Variants in TMCO4 observed in about 807,000 individuals in gnomAD.
TMCO4 encodes the protein transmembrane and coiled-coil domain-containing protein 4.
In TMCO4, 58 loss-of-function variants were observed where a neutral mutation model predicts 64.7. The observed-to-expected ratio is 0.90, with a 90% CI of 0.73 to 1.12. TMCO4 has a LOEUF of 1.12. Among genes scored for constraint, TMCO4 ranks in the 50% most tolerant of loss-of-function variants. The pLI, the probability that TMCO4 is intolerant of heterozygous loss-of-function variation, is 0.00. For synonymous variants in TMCO4, 325 were observed against 346.1 expected, an observed-to-expected ratio of 0.94 and a Z score of 0.68; for missense variants, 780 against 825.9, an observed-to-expected ratio of 0.94 and a Z score of 0.68.
At chr1:19,746,186 T>C (rs888139698) in intron 9 of TMCO4, among the ~76,000 whole-genome samples, 1 of 152,190 alleles carries the variant, frequency 6.6e-6, no homozygotes, top group Non-Finnish European at 1.5e-5. Context: ...AGCCCAAGCA[T>C]GGAAACTTCT....
chr1:19,686,642 G>C (rs1465033381), intron 15 of TMCO4, among the ~76,000 whole-genome samples: 1 of 152,230 alleles, frequency 6.6e-6, no homozygotes, highest in Non-Finnish European at 1.5e-5. Context: ...CCTGGGCTCA[G>C]GGTGGTTGTC....
At chr1:19,715,371 G>A (rs2095350781) in intron 13 of TMCO4, among the ~76,000 whole-genome samples, 1 of 152,156 alleles carries the variant, frequency 6.6e-6, no homozygotes, top group Non-Finnish European at 1.5e-5. Context: ...AGCCTCCCAA[G>A]TTGCTGGGAT....
At chr1:19,716,359 A>AT (rs1198227750) in intron 13 of TMCO4, among the ~76,000 whole-genome samples, 3,292 of 107,510 alleles carry the variant, frequency 0.031, 132 homozygotes, top group African/African-American at 0.1. Context: ...ACGCCCGGCT[A>AT]TTTTTTTTTT....
At position 19,732,027 on chromosome 1, in the gene TMCO4, T is replaced by TG. The variant is rs2095432206; in HGVS notation, c.1264+5344dup. On this transcript the variant is annotated intron_variant, in intron 13 of 15. Coordinates refer to ENST00000294543, the MANE Select transcript of TMCO4 (RefSeq NM_181719.7). The surrounding 1 kb of genome is among the most constrained non-coding windows in gnomAD (Gnocchi z 4.8). ...GCTGGAGCTGCTGTGAAGGCCGGCA[T>TG]GGACAGCGGGGGTTTTAAACTGAGC... is the stretch of plus-strand genomic sequence containing the variant. Among the ~76,000 whole-genome samples the TG allele has an allele frequency of 6.6e-6, 1 of 152,200 alleles. No homozygotes were observed. The highest frequency in any genetic ancestry group is 2.4e-5 in the African/African-American group (1 of 41,462).
intron 15 of TMCO4, among the ~76,000 whole-genome samples, chr1:19,684,721 T>C (rs1489417470): frequency 6.6e-6 from 1 of 152,198 alleles, no homozygotes; most frequent in Non-Finnish European, 1.5e-5. Flanking sequence ...CCAGGCTTCC[T>C]TGCAGCTAGG....
rs541316893 is a variant in TMCO4 at position 19,734,341 on chromosome 1, C to T, written c.1264+3031G>A. 1.1e-4 allele frequency among the ~76,000 whole-genome samples: 16 copies of T among 151,824 alleles called. No homozygotes were observed. Among genetic ancestry groups the T allele is most frequent in the East Asian group, 1.9e-4 (1 of 5,186 alleles). On this transcript the variant is annotated intron_variant, in intron 13 of 15. Transcript: ENST00000294543. This position sits in a 1 kb window ranked among gnomAD's most constrained non-coding sequence, Gnocchi z 4.4. ...CCCTTGGGGTCTGCCGAGTTGCTGC[C>T]GTGTGAGTGTGTGCAGATGCGTGTA...
Position 19,684,133 on chromosome 1 carries a change from T to G in TMCO4, c.1501-689A>C, listed in dbSNP as rs192406891. Among the ~76,000 whole-genome samples the G allele has an allele frequency of 5.1e-4, 56 of 109,214 alleles. 1 individual carries two copies. Among genetic ancestry groups the G allele is most frequent in the African/African-American group, 2.0e-3 (53 of 26,530 alleles). The allele number at this position is 109,214 out of a possible 152,430, so 71.6% of individuals were successfully genotyped here. On this transcript the variant is annotated intron_variant, in intron 15 of 15. Transcript: ENST00000294543. ...AAAATAGCATGAGAAAAAAGAAAAA[T>G]GAAAACAGAGAGAGAGAGAGATGGG...
chr1:19,699,202 A>G (rs936587186), intron 14 of TMCO4, among the ~76,000 whole-genome samples: 20 of 152,120 alleles, frequency 1.3e-4, no homozygotes, highest in African/African-American at 4.8e-4. Context: ...TTTCAAAAAA[A>G]AAAAAAGGCA....
In TMCO4 at chr1:19,682,298, C is replaced by G; in HGVS notation, c.*742G>C. On this transcript the variant is annotated 3_prime_UTR_variant, in exon 16 of 16. Transcript: ENST00000294543. ...CCCTCTGTTCCTGCTACAGGAAATT[C>G]TTTCCATGTAAAATTCATTCTTGTC... 1 of 268,678 alleles carries G rather than the reference C, an allele frequency of 3.7e-6. No homozygotes were observed. Among genetic ancestry groups the G allele is most frequent in the East Asian group, 6.5e-5 (1 of 15,352 alleles). The allele number at this position is 268,678 out of a possible 1,614,324, so 16.6% of individuals were successfully genotyped here.
At chr1:19,716,215 C>A (rs550705746) in intron 13 of TMCO4, among the ~76,000 whole-genome samples, 3 of 149,336 alleles carry the variant, frequency 2.0e-5, no homozygotes, top group Non-Finnish European at 4.4e-5. Flanking sequence ...GATGGAGTCT[C>A]ACACTGTTGT....
At position 19,732,611 on chromosome 1, in the gene TMCO4, C is replaced by A. The variant is rs2095434806; in HGVS notation, c.1264+4761G>T. Among the ~76,000 whole-genome samples, 2 of 151,988 alleles carry A rather than the reference C, an allele frequency of 1.3e-5. No individual in the cohort carries two copies. The highest frequency in any genetic ancestry group is 6.5e-5 in the Admixed American group (1 of 15,268). ...TGATTAATAACAAAGACAGTGGGGG[C>A]TGGGCATGGTGGCTCATGCCTGTAA... On this transcript the variant is annotated intron_variant, in intron 13 of 15. Coordinates refer to ENST00000294543, the MANE Select transcript of TMCO4 (RefSeq NM_181719.7). The surrounding 1 kb of genome is among the most constrained non-coding windows in gnomAD (Gnocchi z 4.8).
intron 13 of TMCO4, among the ~76,000 whole-genome samples, chr1:19,703,789 CCA>C (rs1253311020): frequency 1.3e-5 from 2 of 152,156 alleles, no homozygotes; most frequent in African/African-American, 4.8e-5. Flanking sequence ...CTCAGGTGAT[CCA>C]TCTGCCTCGG....
At chr1:19,760,321 C>T (rs1024623510) in intron 6 of TMCO4, among the ~76,000 whole-genome samples, 1 of 152,196 alleles carries the variant, frequency 6.6e-6, no homozygotes, top group African/African-American at 2.4e-5. Flanking sequence ...GCCTGGAACA[C>T]TCAGTTCCTT....
chr1:19,749,102 C>T (rs1479685635), intron 7 of TMCO4, among the ~76,000 whole-genome samples: 1 of 152,214 alleles, frequency 6.6e-6, no homozygotes, highest in East Asian at 1.9e-4. Flanking sequence ...TGGGATGAGG[C>T]TGAACCATGT....
At chr1:19,761,474 G>A (rs2042501212) in intron 6 of TMCO4, among the ~76,000 whole-genome samples, 1 of 152,238 alleles carries the variant, frequency 6.6e-6, no homozygotes, top group Admixed American at 6.5e-5. Context: ...CTGGTATCCA[G>A]AGGTCCTTTC....
At position 19,732,626 on chromosome 1, in the gene TMCO4, C is replaced by T. The variant is rs1215498727; in HGVS notation, c.1264+4746G>A. 6.6e-6 allele frequency among the ~76,000 whole-genome samples: 1 copy of T among 152,064 alleles called. No homozygotes were observed. Among genetic ancestry groups the T allele is most frequent in the Non-Finnish European group, 1.5e-5 (1 of 67,990 alleles). ...ACAGTGGGGGCTGGGCATGGTGGCT[C>T]ATGCCTGTAACCCCAGTGCTGTGGG... On this transcript the variant is annotated intron_variant, in intron 13 of 15. Coordinates refer to ENST00000294543, the MANE Select transcript of TMCO4 (RefSeq NM_181719.7). This position sits in a 1 kb window ranked among gnomAD's most constrained non-coding sequence, Gnocchi z 4.8.
chr1:19,729,211 C>G (rs190094716), intron 13 of TMCO4, among the ~76,000 whole-genome samples: 15 of 151,940 alleles, frequency 9.9e-5, no homozygotes, highest in Admixed American at 9.2e-4. Context: ...GTACAGTGGC[C>G]CAATCTCGGC....
chr1:19,735,588 CTT>C (rs2095450478), intron 13 of TMCO4, among the ~76,000 whole-genome samples: 2 of 152,212 alleles, frequency 1.3e-5, no homozygotes, highest in African/African-American at 2.4e-5. Context: ...CCTCTTCCCT[CTT>C]TCCAGTTTCC....
intron 13 of TMCO4, among the ~76,000 whole-genome samples, chr1:19,727,177 C>T (rs925500998): frequency 2.0e-5 from 3 of 152,114 alleles, no homozygotes; most frequent in South Asian, 2.1e-4. Flanking sequence ...TCAGCTTCTG[C>T]GACTCCTTCT....
Sources: gnomAD v4.1 joint callset for allele counts (sites outside exome capture counted in the v4.1 genomes callset) on GRCh38, gnomAD v4.1.1 for gene constraint, Gnocchi (gnomAD v3.1) non-coding constraint, MANE v1.5 for transcripts, NCBI Gene and HGNC (gene_info 2026-07-23, HGNC 2026-07-21) for gene names.